USP34: variants seen among roughly 807,000 people sequenced by gnomAD.
USP34 encodes the protein ubiquitin carboxyl-terminal hydrolase 34.
In USP34, 70 loss-of-function variants were observed where a neutral mutation model predicts 460.3. That is an observed-to-expected ratio of 0.15 (90% CI 0.13 to 0.19). The LOEUF (loss-of-function observed/expected upper bound fraction) is 0.19, where lower values mean the gene tolerates loss of function less well. Among genes scored for constraint, USP34 ranks in the 10% least tolerant of loss-of-function variants. USP34 has a pLI of 1.00. For synonymous variants in USP34, 1,647 were observed against 1,405.3 expected, an observed-to-expected ratio of 1.17 and a Z score of -3.85; for missense variants, 3,985 against 4,236.2, an observed-to-expected ratio of 0.94 and a Z score of 1.65.
Position 61,206,144 on chromosome 2 carries a change from T to C in USP34, c.9047-20A>G. Reference sequence around the variant, plus strand: ...TCACATCTGCAAATATAAAAGCACATATAAATATGCCATCTGAGATCAAAC... The same window carrying C: ...TCACATCTGCAAATATAAAAGCACACATAAATATGCCATCTGAGATCAAAC... On this transcript the variant is annotated intron_variant, in intron 71 of 79. Transcript: ENST00000398571. The C allele has an allele frequency of 1.3e-6, 2 of 1,590,958 alleles. No individual in the cohort carries two copies. The highest frequency in any genetic ancestry group is 1.1e-5 in the South Asian group (1 of 90,534).
At chr2:61,268,186 G>C (rs1470158857) in intron 41 of USP34, among the ~76,000 whole-genome samples, 1 of 152,056 alleles carries the variant, frequency 6.6e-6, no homozygotes, top group Non-Finnish European at 1.5e-5. Context: ...TTGGGTATTT[G>C]TCCAATAAAA....
At chr2:61,286,376 C>A (rs1230601381) in intron 34 of USP34, among the ~76,000 whole-genome samples, 3 of 152,166 alleles carry the variant, frequency 2.0e-5, no homozygotes, top group Non-Finnish European at 2.9e-5. Context: ...ATAACATTGG[C>A]CCAGAGCGGT....
intron 48 of USP34, among the ~76,000 whole-genome samples, chr2:61,249,321 G>C (rs941612854): frequency 3.9e-5 from 6 of 152,190 alleles, no homozygotes; most frequent in Non-Finnish European, 7.3e-5. Context: ...AACCAAAAGG[G>C]CCACTAAGTG....
At chr2:61,279,309 T>C (rs1160089856) in intron 39 of USP34, among the ~76,000 whole-genome samples, 1 of 152,214 alleles carries the variant, frequency 6.6e-6, no homozygotes, top group African/African-American at 2.4e-5. Context: ...TTTAAATACA[T>C]TTAAAAGTTT....
chr2:61,316,722 TA>T (rs1387953323), intron 23 of USP34, among the ~76,000 whole-genome samples: 1 of 151,754 alleles, frequency 6.6e-6, no homozygotes, highest in Non-Finnish European at 1.5e-5. Context: ...CCACCTATAC[TA>T]AAAATACAAA....
intron 54 of USP34, 23 bp downstream of exon 54, chr2:61,236,302 A>G: frequency 6.3e-7 from 1 of 1,595,152 alleles, no homozygotes; most frequent in Non-Finnish European, 8.5e-7. Context: ...TAAAATATCT[A>G]CTATGAAATT....
chr2:61,327,378 A>G (rs1223601857), intron 20 of USP34, among the ~76,000 whole-genome samples: 1 of 152,228 alleles, frequency 6.6e-6, no homozygotes, highest in Non-Finnish European at 1.5e-5. Context: ...CTCTCAGACT[A>G]TAAGGCAACC....
At chr2:61,437,114 C>A (rs1389780898) in intron 1 of USP34, among the ~76,000 whole-genome samples, 1 of 152,058 alleles carries the variant, frequency 6.6e-6, no homozygotes, top group Non-Finnish European at 1.5e-5. Context: ...TTCAAACAAC[C>A]AATGATGCAT....
chr2:61,468,512 G>C (rs944608208), intron 1 of USP34, among the ~76,000 whole-genome samples: 4 of 152,178 alleles, frequency 2.6e-5, no homozygotes, highest in African/African-American at 9.6e-5. Context: ...AAGCATCACT[G>C]TGAGATTATT....
intron 10 of USP34, among the ~76,000 whole-genome samples, chr2:61,369,985 A>T (rs949658592): frequency 4.4e-4 from 26 of 59,364 alleles, no homozygotes; most frequent in South Asian, 5.2e-4. Flanking sequence ...TGCCTATTTA[A>T]AAAAAAAAAA....
chr2:61,422,026 A>G (rs1237063156), intron 1 of USP34, among the ~76,000 whole-genome samples: 4 of 152,254 alleles, frequency 2.6e-5, no homozygotes, highest in Non-Finnish European at 5.9e-5. Flanking sequence ...GTCACAAGGT[A>G]GTAACACCTA....
chr2:61,349,382 G>A (rs811378), intron 12 of USP34, 97 bp from the exon 13 acceptor site: 1,287,064 of 1,287,764 alleles, frequency 1, 643,186 homozygotes, highest in South Asian at 1. Flanking sequence ...TCAACAAGAT[G>A]TAAGTGGAGA....
rs933974467 is a variant in USP34 at position 61,330,061 on chromosome 2, A to G, written c.2930+1215T>C. On this transcript the variant is annotated intron_variant, in intron 20 of 79. Transcript: ENST00000398571. ...GTCAACTTGTGAAAAGACATGGGGT[A>G]TATTTTAACAAAAAGGTAGAGATTA... Among the ~76,000 whole-genome samples, 19 of 152,336 alleles carry G rather than the reference A, an allele frequency of 1.2e-4. No individual in the cohort carries two copies. The East Asian group carries it at 3.5e-3, about 28-fold the overall frequency.
intron 44 of USP34, among the ~76,000 whole-genome samples, chr2:61,257,881 C>A (rs941801542): frequency 2.3e-4 from 35 of 152,002 alleles, no homozygotes; most frequent in Non-Finnish European, 4.4e-5. Flanking sequence ...CCAAAAAAAT[C>A]AAAACAAAAC....
chr2:61,368,724 T>C (rs1692516182), intron 10 of USP34, among the ~76,000 whole-genome samples: 1 of 152,088 alleles, frequency 6.6e-6, no homozygotes, highest in Admixed American at 6.6e-5. Flanking sequence ...GGATCAAAGA[T>C]TAAGATATAT....
In USP34 at chr2:61,257,100, G is replaced by A. The variant is rs561126422; in HGVS notation, c.6000C>T (p.Thr2000=). The change falls in exon 46 of 80, where the codon ACC becomes ACT. Residue 2000 remains threonine, a synonymous_variant. Transcript: ENST00000398571. ...TTACACCTCCAAATAAACTTTTGAC[G>A]GTATTTTTCTTTAATATAAAACAAA... is the stretch of plus-strand genomic sequence containing the variant. ...IEEMSPELKN[T]VKSLFGGVIT... 4.5e-5 allele frequency: 71 copies of A among 1,579,100 alleles called. No individual in the cohort carries two copies. The highest frequency in any genetic ancestry group is 3.8e-4 in the East Asian group (17 of 44,542).
At chr2:61,376,643 T>G (rs951685111) in intron 8 of USP34, among the ~76,000 whole-genome samples, 19 of 151,962 alleles carry the variant, frequency 1.3e-4, no homozygotes, top group Admixed American at 1.2e-3. Context: ...GTAGGTTTAT[T>G]TTGTTTGTTT....
chr2:61,312,889 A>C (rs1192606231), intron 25 of USP34, among the ~76,000 whole-genome samples: 1 of 152,208 alleles, frequency 6.6e-6, no homozygotes, highest in Non-Finnish European at 1.5e-5. Context: ...GCTGAGAACC[A>C]CTGTTTAAGA....
chr2:61,376,124 T>C (rs576632665), intron 8 of USP34, among the ~76,000 whole-genome samples: 2 of 152,336 alleles, frequency 1.3e-5, no homozygotes, highest in Admixed American at 6.5e-5. Flanking sequence ...AGAATTGGAC[T>C]GTGGTGACAG....
Sources: allele counts gnomAD v4.1 joint callset (sites outside exome capture counted in the v4.1 genomes callset), GRCh38; gene constraint gnomAD v4.1.1; transcripts MANE v1.5; gene names NCBI Gene and HGNC (gene_info 2026-07-23, HGNC 2026-07-21).